FSIP2: variants seen among roughly 807,000 people sequenced by gnomAD.
FSIP2 encodes fibrous sheath-interacting protein 2.
In FSIP2, 367 loss-of-function variants were observed where a neutral mutation model predicts 510.5. The observed-to-expected ratio is 0.72, with a 90% CI of 0.66 to 0.78. The LOEUF is 0.78. FSIP2 is among the 30% of genes least tolerant of loss of function. The pLI, the probability that FSIP2 is intolerant of heterozygous loss-of-function variation, is 0.00. For missense variants in FSIP2, 7,594 were observed against 7,901.7 expected, an observed-to-expected ratio of 0.96 and a Z score of 1.48; for synonymous variants, 2,601 against 2,732.2, an observed-to-expected ratio of 0.95 and a Z score of 1.50.
At position 185,831,835 on chromosome 2, in the gene FSIP2, C is replaced by A; in HGVS notation, c.20540C>A (p.Ser6847Tyr). The A allele has an allele frequency of 6.2e-7, 1 of 1,609,156 alleles. No homozygotes were observed. The highest frequency in any genetic ancestry group is 1.1e-5 in the South Asian group (1 of 90,944). ...CAGTTTATCACCATCTTTGAAAGAT[C>A]CAAGGATGTTCTTGGCAGTGCAAAT... is the stretch of plus-strand genomic sequence containing the variant. The part of the protein sequence containing the change: ...SVKFITIFER[S>Y]KDVLGSANPS... Residue 6847 changes from serine (S) to tyrosine (Y), a missense_variant, in exon 22 of 23, where the codon TCC (serine) becomes TAC (tyrosine). Ser to Tyr is a moderately radical substitution (Grantham distance 144). Transcript: ENST00000424728.
chr2:185,830,145 G>T (rs1240251032), intron 21 of FSIP2, among the ~76,000 whole-genome samples: 4 of 151,580 alleles, frequency 2.6e-5, no homozygotes, highest in African/African-American at 7.3e-5. Flanking sequence ...ACAAACAAAC[G>T]AAAAAAATCA....
chr2:185,775,722 G>T (rs557364545), intron 13 of FSIP2, among the ~76,000 whole-genome samples: 3 of 152,144 alleles, frequency 2.0e-5, no homozygotes, highest in Admixed American at 2.0e-4. Context: ...GAAGTACAGT[G>T]GTGCAATCTC....
intron 20 of FSIP2, 24 bp from the exon 21 acceptor site, chr2:185,828,132 C>CTTT: frequency 1.6e-5 from 18 of 1,133,616 alleles, no homozygotes; most frequent in East Asian, 2.8e-5. Context: ...GACTATTTTA[C>CTTT]TTTTTTTTTT....
At chr2:185,754,288 C>T (rs1230368832) in intron 8 of FSIP2, among the ~76,000 whole-genome samples, 1 of 151,164 alleles carries the variant, frequency 6.6e-6, no homozygotes, top group Admixed American at 6.6e-5. Context: ...TTTGTTATGC[C>T]CGGCCTCTAC....
chr2:185,783,672 A>T (rs1020907781), intron 14 of FSIP2: 8 of 152,300 alleles, frequency 5.3e-5, no homozygotes, highest in African/African-American at 1.9e-4. Flanking sequence ...GTTCAAAGCA[A>T]TAAAACTTGA....
chr2:185,785,552 T>G (rs1031430056), intron 14 of FSIP2, among the ~76,000 whole-genome samples: 13 of 149,932 alleles, frequency 8.7e-5, no homozygotes, highest in Non-Finnish European at 1.6e-4. Flanking sequence ...TAAATCAGAC[T>G]TCAGTTTTAG....
rs1693544517 is a variant in FSIP2, at chr2:185,805,501, T to C, written c.16195T>C (p.Ser5399Pro). 1 of 1,611,730 alleles carries C rather than the reference T, an allele frequency of 6.2e-7. No individual in the cohort carries two copies. Among genetic ancestry groups the C allele is most frequent in the Non-Finnish European group, 8.5e-7 (1 of 1,178,558 alleles). Reference protein sequence around the residue: ...ISAFRIQPLFSGDWSSTFFSF... With the variant: ...ISAFRIQPLFPGDWSSTFFSF... ...TGCATTCAGGATTCAACCACTTTTT[T>C]CAGGAGACTGGTCTTCCACCTTCTT... Residue 5399 changes from serine to proline, a missense_variant, in exon 17 of 23, where the codon TCA becomes CCA. Transcript: ENST00000424728.
intron 19 of FSIP2, among the ~76,000 whole-genome samples, chr2:185,817,339 T>C (rs1376573984): frequency 2.6e-5 from 4 of 152,000 alleles, no homozygotes; most frequent in Admixed American, 2.0e-4. Flanking sequence ...GCATGAAAAC[T>C]ACAGAGGGAC....
At chr2:185,765,696 T>C (rs1387740674) in intron 13 of FSIP2, 1 of 151,868 alleles carries the variant, frequency 6.6e-6, no homozygotes, top group Non-Finnish European at 1.5e-5. Context: ...CATCGGTAGC[T>C]TGATGGGGAT....
intron 1 of FSIP2, 61 bp from the exon 2 acceptor site, chr2:185,739,285 G>C: frequency 1.4e-6 from 2 of 1,458,384 alleles, no homozygotes; most frequent in Non-Finnish European, 9.0e-7. Flanking sequence ...AAGTAGATTG[G>C]TCTAAACTAA....
At chr2:185,812,616 C>A (rs1237268834) in intron 17 of FSIP2, among the ~76,000 whole-genome samples, 3 of 152,000 alleles carry the variant, frequency 2.0e-5, no homozygotes, top group Non-Finnish European at 2.9e-5. Context: ...TTTTAAGGTA[C>A]CATAGATTCT....
chr2:185,743,057 A>G (rs1285160892), intron 2 of FSIP2, 76 bp from the exon 3 acceptor site: 19 of 1,030,772 alleles, frequency 1.8e-5, no homozygotes, highest in Non-Finnish European at 2.5e-5. Context: ...TTTTCAATGA[A>G]CATTCTAATC....
chr2:185,788,388 G>C (rs957909725), intron 15 of FSIP2, among the ~76,000 whole-genome samples: 1 of 151,308 alleles, frequency 6.6e-6, no homozygotes, highest in African/African-American at 2.4e-5. Flanking sequence ...AGGGGAAAAA[G>C]AAACTTCTGA....
chr2:185,793,697 G>T lies in FSIP2; in HGVS notation c.6561G>T (p.Leu2187=). Residue 2187 remains leucine, a synonymous_variant, in exon 16 of 23, where the codon CTG becomes CTT. Coordinates refer to ENST00000424728, the MANE Select transcript of FSIP2 (RefSeq NM_173651.4). ...AKNPTSARLP[L]TFCDTFPKID... is the part of the protein sequence containing the mutation. ...ATCCTACTTCTGCAAGATTGCCCCT[G>T]ACATTTTGTGATACGTTTCCAAAAA... 2 of 1,534,702 alleles carry T rather than the reference G, an allele frequency of 1.3e-6. No homozygotes were observed. Among genetic ancestry groups the T allele is most frequent in the African/African-American group, 1.4e-5 (1 of 72,986 alleles).
rs1693609225 is a variant in FSIP2, at chr2:185,807,369, CT to C, written c.18064del (p.Ser6022ProfsTer23). ...TGGAGAATGTGATTTCTGCTCTTTT[CT>C]CCAAAATTTTCTCAACAATATCCAG... is the stretch of plus-strand genomic sequence containing the variant. ...FLENVISALF[S>X]KIFSTISSTK... On this transcript the variant is annotated frameshift_variant, in exon 17 of 23. Coordinates refer to ENST00000424728, the MANE Select transcript of FSIP2 (RefSeq NM_173651.4). LOFTEE classifies it high-confidence loss of function. 1.2e-6 allele frequency: 2 copies of C among 1,609,112 alleles called. No homozygotes were observed. The highest frequency in any genetic ancestry group is 2.2e-5 in the East Asian group (1 of 44,782).
At position 185,804,108 on chromosome 2, in the gene FSIP2, T is replaced by G; in HGVS notation, c.14802T>G (p.Pro4934=). 1 of 1,526,606 alleles carries G rather than the reference T, an allele frequency of 6.6e-7. No individual in the cohort carries two copies. 94.6% of individuals were successfully genotyped at this position (1,526,606 alleles called of 1,614,324 possible). A position where few individuals can be genotyped will look rare whatever the true frequency, so the allele number is the denominator to read the frequency against. Residue 4934 remains proline (P), a synonymous_variant, in exon 17 of 23, where the codon CCT becomes CCG. Transcript: ENST00000424728. The part of the protein sequence containing the change: ...DQTYKLKAID[P]KQRELSFIVN... ...CTTATAAATTGAAAGCAATAGATCCTAAACAAAGAGAATTATCTTTTATTG... is the reference window on the plus strand; with the variant it reads ...CTTATAAATTGAAAGCAATAGATCCGAAACAAAGAGAATTATCTTTTATTG...
At position 185,756,277 on chromosome 2, in the gene FSIP2, TG is replaced by T; in HGVS notation, c.1078+1del. ...ACCAGAATACATATAAAGAAACACA[TG>T]GTAATTGAATATTGTGACAAGAAAC... The part of the protein sequence containing the change: ...GDQNTYKETH[G>X]HTANAAHQRQ... On this transcript the variant is annotated frameshift_variant and splice_region_variant, in exon 9 of 23. Coordinates refer to ENST00000424728, the MANE Select transcript of FSIP2 (RefSeq NM_173651.4). LOFTEE classifies it high-confidence loss of function. The T allele has an allele frequency of 1.7e-6, 2 of 1,159,402 alleles. No homozygotes were observed. The highest frequency in any genetic ancestry group is 2.4e-6 in the Non-Finnish European group (2 of 841,780). 71.8% of individuals were successfully genotyped at this position (1,159,402 alleles called of 1,614,324 possible).
In FSIP2 at chr2:185,802,025, C is replaced by G; in HGVS notation, c.12719C>G (p.Pro4240Arg). 1 of 1,530,342 alleles carries G rather than the reference C, an allele frequency of 6.5e-7. No homozygotes were observed. The highest frequency in any genetic ancestry group is 8.7e-7 in the Non-Finnish European group (1 of 1,144,170). 94.8% of individuals were successfully genotyped at this position (1,530,342 alleles called of 1,614,324 possible). ...SIQKSIVSRS[P>R]IMIDQIASFI... ...CAAAAAAGTATAGTAAGCCGAAGCC[C>G]AATTATGATTGACCAAATAGCCAGC... The change falls in exon 17 of 23, where the codon CCA becomes CGA. Residue 4240 changes from proline (P) to arginine (R), a missense_variant. Pro to Arg is a moderately radical substitution (Grantham distance 103, BLOSUM62 -2). Coordinates refer to ENST00000424728, the MANE Select transcript of FSIP2 (RefSeq NM_173651.4).
At chr2:185,749,037 ATTTG>A (rs1443863660) in intron 7 of FSIP2, among the ~76,000 whole-genome samples, 1 of 151,970 alleles carries the variant, frequency 6.6e-6, no homozygotes, top group African/African-American at 2.4e-5. Flanking sequence ...TCTTTGACCT[ATTTG>A]TTTGATTGCT....
Sources: gnomAD v4.1 joint callset for allele counts (sites outside exome capture counted in the v4.1 genomes callset) on GRCh38, gnomAD v4.1.1 for gene constraint, MANE v1.5 for transcripts, NCBI Gene and HGNC (gene_info 2026-07-23, HGNC 2026-07-21) for gene names.